Variants in OCA2 observed in about 807,000 individuals in gnomAD.
OCA2 encodes OCA2 melanosomal transmembrane protein.
Under a neutral mutation model 100.2 loss-of-function variants are expected in OCA2, and 77 were observed. The ratio of observed to expected loss-of-function variants is 0.77; its 90% CI spans 0.64 to 0.93. The LOEUF (loss-of-function observed/expected upper bound fraction) is 0.93, where lower values mean the gene tolerates loss of function less well. OCA2 is among the 40% of genes least tolerant of loss of function. The pLI, the probability that OCA2 is intolerant of heterozygous loss-of-function variation, is 0.00. For synonymous variants in OCA2, 432 were observed against 439.2 expected (o/e 0.98, Z 0.21); for missense variants, 1,062 against 1,089.1 (o/e 0.98, Z 0.35).
chr15:27,753,499 C>G (rs779231076), downstream of OCA2, among the ~76,000 whole-genome samples: 2 of 151,942 alleles, frequency 1.3e-5, no homozygotes, highest in Non-Finnish European at 2.9e-5. Context: ...TTTGGGAGGC[C>G]GAGTCGGGTG....
the OCA2 span, among the ~76,000 whole-genome samples, chr15:27,739,936 AG>A: frequency 6.6e-6 from 1 of 151,716 alleles, no homozygotes; most frequent in African/African-American, 2.4e-5. Flanking sequence ...GACGTGACTC[AG>A]GGGTGCAGAG....
At chr15:27,821,751 G>A (rs899073574) in intron 23 of OCA2, among the ~76,000 whole-genome samples, 28 of 151,780 alleles carry the variant, frequency 1.8e-4, no homozygotes, top group Non-Finnish European at 3.4e-4. Flanking sequence ...ATATAAGCTC[G>A]CATACATACA....
At chr15:27,949,264 A>G (rs1378782559) in intron 18 of OCA2, among the ~76,000 whole-genome samples, 1 of 148,404 alleles carries the variant, frequency 6.7e-6, no homozygotes, top group Non-Finnish European at 1.5e-5. Context: ...GCGCTGTATT[A>G]GATGATGTCA....
chr15:27,999,214 A>C, intron 9 of OCA2, among the ~76,000 whole-genome samples: 1 of 152,206 alleles, frequency 6.6e-6, no homozygotes, highest in South Asian at 2.1e-4. Context: ...AAAAATGCTC[A>C]ACAAAATACT....
chr15:28,046,995 A>C (rs11635938), intron 2 of OCA2, among the ~76,000 whole-genome samples: 99 of 152,266 alleles, frequency 6.5e-4, no homozygotes, highest in Non-Finnish European at 7.2e-4. Flanking sequence ...ATCTGGAACA[A>C]TCCAAAGATC....
chr15:27,989,773 G>C, intron 10 of OCA2, 107 bp from the exon 11 acceptor site: 3 of 1,003,200 alleles, frequency 3.0e-6, no homozygotes, highest in African/African-American at 1.6e-5. Flanking sequence ...GGGCGGGCCA[G>C]GGTTGGAAAT....
At chr15:28,056,081 G>T (rs552096631) in intron 2 of OCA2, among the ~76,000 whole-genome samples, 34 of 151,964 alleles carry the variant, frequency 2.2e-4, no homozygotes, top group Non-Finnish European at 4.7e-4. Flanking sequence ...CTGGAGCCTC[G>T]TGGCCCTGGG....
intron 23 of OCA2, among the ~76,000 whole-genome samples, chr15:27,808,892 G>C (rs757213187): frequency 1.3e-5 from 2 of 152,176 alleles, no homozygotes; most frequent in Non-Finnish European, 2.9e-5. Context: ...GTCTCTTCTA[G>C]ATGTTCTCCC....
chr15:27,959,989 T>G (rs531222262), intron 15 of OCA2, among the ~76,000 whole-genome samples: 1 of 152,196 alleles, frequency 6.6e-6, no homozygotes. Context: ...AACCTGTCCA[T>G]GTATCAGTTC....
chr15:28,038,327 A>G (rs2043105666), intron 2 of OCA2, among the ~76,000 whole-genome samples: 1 of 152,196 alleles, frequency 6.6e-6, no homozygotes, highest in Non-Finnish European at 1.5e-5. Context: ...GCAATTTTTC[A>G]GAAGGCTTGG....
rs1845729989 is a variant in OCA2, at chr15:28,027,987, G to A, written c.399C>T (p.Asp133=). The A allele has an allele frequency of 6.2e-7, 1 of 1,614,208 alleles. No homozygotes were observed. The highest frequency in any genetic ancestry group is 1.3e-5 in the African/African-American group (1 of 75,052). Residue 133 remains aspartate (D), a synonymous_variant, in exon 4 of 24, where the codon GAC becomes GAT. Transcript: ENST00000354638. ...AEESWEDSSA[D]WERRYLLSRE... ...TGCTTAGCAGGTATCTTCGCTCCCA[G>A]TCAGCAGAGCTGTCTTCCCAAGACT... is the stretch of plus-strand genomic sequence containing the variant.
the OCA2 span, among the ~76,000 whole-genome samples, chr15:27,742,232 G>T: frequency 2.0e-5 from 3 of 152,120 alleles, no homozygotes; most frequent in Non-Finnish European, 4.4e-5. Flanking sequence ...GTGAGAGTGG[G>T]CACTGACAAA....
chr15:27,888,373 C>T (rs1006245212), intron 19 of OCA2, among the ~76,000 whole-genome samples: 3 of 152,126 alleles, frequency 2.0e-5, no homozygotes, highest in Non-Finnish European at 2.9e-5. Flanking sequence ...AAATAATAGA[C>T]AAAATATCCA....
intron 2 of OCA2, among the ~76,000 whole-genome samples, chr15:28,065,104 A>G (rs955122188): frequency 1.3e-5 from 2 of 152,160 alleles, no homozygotes; most frequent in African/African-American, 4.8e-5. Context: ...ACACAAAACC[A>G]AAGAAGCAAA....
chr15:27,772,885 T>C (rs2031972352), intron 23 of OCA2, among the ~76,000 whole-genome samples: 1 of 151,684 alleles, frequency 6.6e-6, no homozygotes, highest in African/African-American at 2.4e-5. Flanking sequence ...GAACTATATG[T>C]CTAAGAATTC....
intron 1 of OCA2, among the ~76,000 whole-genome samples, chr15:28,094,119 G>C (rs147915032): frequency 8.5e-4 from 130 of 152,268 alleles, no homozygotes; most frequent in African/African-American, 3.0e-3. Flanking sequence ...CCCACAGCCT[G>C]TCCCTTAGGG....
intron 2 of OCA2, among the ~76,000 whole-genome samples, chr15:28,036,916 A>C (rs8042520): frequency 0.012 from 1,855 of 152,200 alleles, 38 homozygotes; most frequent in African/African-American, 0.042. Flanking sequence ...GCCATTGCTG[A>C]GGTCAGTTCT....
chr15:27,874,460 C>A (rs1291348016), intron 19 of OCA2, among the ~76,000 whole-genome samples: 1 of 152,180 alleles, frequency 6.6e-6, no homozygotes, highest in Non-Finnish European at 1.5e-5. Flanking sequence ...AGGAAAGCAT[C>A]CCGCCTGCAG....
chr15:27,824,794 C>T (rs934477795), intron 23 of OCA2, among the ~76,000 whole-genome samples: 3 of 151,684 alleles, frequency 2.0e-5, no homozygotes, highest in Non-Finnish European at 2.9e-5. Context: ...CAGGTGTGCA[C>T]ACACGTAAGG....
Sources: gnomAD v4.1 joint callset for allele counts (sites outside exome capture counted in the v4.1 genomes callset) on GRCh38, gnomAD v4.1.1 for gene constraint, MANE v1.5 for transcripts, NCBI Gene and HGNC (gene_info 2026-07-23, HGNC 2026-07-21) for gene names.